PHACTR2: variants seen among roughly 807,000 people sequenced by gnomAD.
PHACTR2 encodes phosphatase and actin regulator 2.
In PHACTR2, 30 loss-of-function variants were observed where a neutral mutation model predicts 76.0. That is an observed-to-expected ratio of 0.39 (90% CI 0.30 to 0.54). PHACTR2 has a LOEUF of 0.54. Ranked by LOEUF, PHACTR2 falls within the 20% of genes least tolerant of loss-of-function variation. PHACTR2 has a pLI of 0.61. For synonymous variants in PHACTR2, 292 were observed against 292.5 expected (o/e 1.00, Z 0.02); for missense variants, 696 against 781.1 (o/e 0.89, Z 1.30).
At position 143,696,220 on chromosome 6, in the gene PHACTR2, C is replaced by T. The variant is rs1215490339; in HGVS notation, c.47-15796C>T. On this transcript the variant is annotated intron_variant, in intron 1 of 12. Transcript: ENST00000440869. The surrounding 1 kb of genome is among the most constrained non-coding windows in gnomAD (Gnocchi z 4.1). ...CTGCTATAGAGTAGTGGGGATTTCCCTCGAGTCTTAGTTGGTTTTAGCAGC... is the reference window on the plus strand; with the variant it reads ...CTGCTATAGAGTAGTGGGGATTTCCTTCGAGTCTTAGTTGGTTTTAGCAGC... 6.6e-6 allele frequency among the ~76,000 whole-genome samples: 1 copy of T among 152,104 alleles called. No individual in the cohort carries two copies. The highest frequency in any genetic ancestry group is 2.1e-4 in the South Asian group (1 of 4,832).
chr6:143,805,207 C>T (rs1275500081), intron 11 of PHACTR2, among the ~76,000 whole-genome samples: 5 of 152,130 alleles, frequency 3.3e-5, no homozygotes, highest in South Asian at 2.1e-4. Flanking sequence ...CGGCCGGGCA[C>T]GGTGGCTCAT....
chr6:143,616,924 TG>T lies in PHACTR2; in HGVS notation c.13+8605del, dbSNP rs1368550118. Among the ~76,000 whole-genome samples, 4 of 152,192 alleles carry T rather than the reference TG, an allele frequency of 2.6e-5. No homozygotes were observed. The East Asian group carries it at 5.8e-4, about 22-fold the overall frequency. On this transcript the variant is annotated intron_variant, in intron 1 of 11. Coordinates refer to the PHACTR2 transcript ENST00000305766. This position sits in a 1 kb window ranked among gnomAD's most constrained non-coding sequence, Gnocchi z 4.9. ...ACACGCCCCCAGACAGGACGTTGACTGGGATGTCTGAGCAACAAGGCCAGTG... is the reference window on the plus strand; with the variant it reads ...ACACGCCCCCAGACAGGACGTTGACTGGATGTCTGAGCAACAAGGCCAGTG...
rs1473213920 is a variant in PHACTR2 at position 143,698,049 on chromosome 6, A to G, written c.47-13967A>G. Among the ~76,000 whole-genome samples, 1 of 152,198 alleles carries G rather than the reference A, an allele frequency of 6.6e-6. No individual in the cohort carries two copies. The highest frequency in any genetic ancestry group is 1.5e-5 in the Non-Finnish European group (1 of 68,026). ...CAACTGGCTATTCTGAGGTTCTGTT[A>G]CGGGCTTTTTCCCATCATTCTAGAA... On this transcript the variant is annotated intron_variant, in intron 1 of 12. Coordinates refer to ENST00000440869, the MANE Select transcript of PHACTR2 (RefSeq NM_001100164.2). This position sits in a 1 kb window ranked among gnomAD's most constrained non-coding sequence, Gnocchi z 4.3.
chr6:143,704,764 C>T (rs989900122), intron 1 of PHACTR2, among the ~76,000 whole-genome samples: 4 of 152,090 alleles, frequency 2.6e-5, no homozygotes, highest in African/African-American at 9.7e-5. Context: ...AGTGGTGTCT[C>T]CTTAGGCTTC....
Position 143,589,018 on chromosome 6 carries a change from G to A in PHACTR2, c.217+51811G>A, listed in dbSNP as rs950828809. On this transcript the variant is annotated intron_variant, in intron 1 of 11. Coordinates refer to the PHACTR2 transcript ENST00000367584. The surrounding 1 kb of genome is among the most constrained non-coding windows in gnomAD (Gnocchi z 4.4). ...CTTCAAGGAACAAATCACTCTCATC[G>A]TATGAGTTTGCTAGAGCTGCCACAA... Among the ~76,000 whole-genome samples the A allele has an allele frequency of 6.6e-6, 1 of 152,166 alleles. No individual in the cohort carries two copies. Among genetic ancestry groups the A allele is most frequent in the Non-Finnish European group, 1.5e-5 (1 of 68,032 alleles).
intron 2 of PHACTR2, among the ~76,000 whole-genome samples, chr6:143,735,551 T>G (rs766725584): frequency 1.9e-4 from 29 of 152,178 alleles, no homozygotes; most frequent in Non-Finnish European, 3.7e-4. Context: ...TTTTTCATCT[T>G]GCAAAATGAA....
chr6:143,690,818 T>G (rs552012250), intron 1 of PHACTR2, among the ~76,000 whole-genome samples: 2 of 152,352 alleles, frequency 1.3e-5, no homozygotes, highest in South Asian at 4.1e-4. Context: ...ATGTGTTTAC[T>G]GTGATAATAA....
rs1366883282 is a variant in PHACTR2, at chr6:143,731,037, C to G, written c.215-17948C>G. Among the ~76,000 whole-genome samples, 1 of 152,142 alleles carries G rather than the reference C, an allele frequency of 6.6e-6. No individual in the cohort carries two copies. Among genetic ancestry groups the G allele is most frequent in the Non-Finnish European group, 1.5e-5 (1 of 68,020 alleles). On this transcript the variant is annotated intron_variant, in intron 2 of 12. Coordinates refer to ENST00000440869, the MANE Select transcript of PHACTR2 (RefSeq NM_001100164.2). This position sits in a 1 kb window ranked among gnomAD's most constrained non-coding sequence, Gnocchi z 4.9. ...TGCTGAGATTACAGGCGTGAGCCAC[C>G]ACGTCCAGCCCAGTTGAAGGTTTTT...
chr6:143,625,322 GT>G lies in PHACTR2; in HGVS notation c.13+17001del, dbSNP rs2128440875. Among the ~76,000 whole-genome samples, 1 of 152,100 alleles carries G rather than the reference GT, an allele frequency of 6.6e-6. No homozygotes were observed. Among genetic ancestry groups the G allele is most frequent in the East Asian group, 1.9e-4 (1 of 5,180 alleles). On this transcript the variant is annotated intron_variant, in intron 1 of 11. Transcript: ENST00000305766. The surrounding 1 kb of genome is among the most constrained non-coding windows in gnomAD (Gnocchi z 4.3). ...GTGAGATATATCAAATTTTTACTTG[GT>G]GATTCAGAATTTAAACTATATCACT... is the stretch of plus-strand genomic sequence containing the variant.
At position 143,679,907 on chromosome 6, in the gene PHACTR2, G is replaced by A. The variant is rs550411101; in HGVS notation, c.46+1698G>A. 2.6e-5 allele frequency among the ~76,000 whole-genome samples: 4 copies of A among 152,060 alleles called. No individual in the cohort carries two copies. The highest frequency in any genetic ancestry group is 4.4e-5 in the Non-Finnish European group (3 of 68,010). On this transcript the variant is annotated intron_variant, in intron 1 of 12. Transcript: ENST00000440869. The surrounding 1 kb of genome is among the most constrained non-coding windows in gnomAD (Gnocchi z 4.6). ...AATTCAGAGAAATATCTCACGGAAC[G>A]GTGTTATACTTAAATTGCAGGTCCT...
intron 1 of PHACTR2, among the ~76,000 whole-genome samples, chr6:143,681,976 T>C (rs1056828236): frequency 2.0e-5 from 3 of 152,252 alleles, no homozygotes; most frequent in African/African-American, 7.2e-5. Flanking sequence ...ACTGTAGCTT[T>C]GTAGTAAATT....
intron 1 of PHACTR2, among the ~76,000 whole-genome samples, chr6:143,640,616 C>A (rs1776547945): frequency 6.6e-6 from 1 of 152,176 alleles, no homozygotes. Context: ...CAAACATTTT[C>A]CCTTTCTGTT....
At chr6:143,577,607 C>G (rs1309341126) in intron 1 of PHACTR2, among the ~76,000 whole-genome samples, 1 of 152,092 alleles carries the variant, frequency 6.6e-6, no homozygotes, top group African/African-American at 2.4e-5. Context: ...GAGATGAGAC[C>G]AAATTGATAT....
At position 143,671,320 on chromosome 6, in the gene PHACTR2, C is replaced by A. The variant is rs574579343; in HGVS notation, c.14-40696C>A. Among the ~76,000 whole-genome samples, 1 of 152,290 alleles carries A rather than the reference C, an allele frequency of 6.6e-6. No individual in the cohort carries two copies. The highest frequency in any genetic ancestry group is 1.5e-5 in the Non-Finnish European group (1 of 68,018). ...TCTCTTATTCTATGTACTCCAACCA[C>A]ACCATTTCCCCTGGATTCCTCAAAC... On this transcript the variant is annotated intron_variant, in intron 1 of 11. Transcript: ENST00000305766. This position sits in a 1 kb window ranked among gnomAD's most constrained non-coding sequence, Gnocchi z 4.6.
At chr6:143,576,117 G>A (rs1403607431) in intron 1 of PHACTR2, among the ~76,000 whole-genome samples, 1 of 152,178 alleles carries the variant, frequency 6.6e-6, no homozygotes, top group Non-Finnish European at 1.5e-5. Flanking sequence ...TATCTTGGCT[G>A]GAAACTTGGA....
At chr6:143,724,615 C>T (rs1353349717) in intron 2 of PHACTR2, among the ~76,000 whole-genome samples, 1 of 152,186 alleles carries the variant, frequency 6.6e-6, no homozygotes, top group Non-Finnish European at 1.5e-5. Flanking sequence ...TCTACACAGT[C>T]CCAGACCATG....
At chr6:143,752,196 A>G (rs1466075253) in intron 3 of PHACTR2, among the ~76,000 whole-genome samples, 1 of 152,132 alleles carries the variant, frequency 6.6e-6, no homozygotes, top group Non-Finnish European at 1.5e-5. Context: ...TGTCATTGAC[A>G]TGACTTCAAT....
intron 1 of PHACTR2, among the ~76,000 whole-genome samples, chr6:143,702,764 T>C (rs950438286): frequency 7.2e-6 from 1 of 139,808 alleles, no homozygotes; most frequent in East Asian, 2.1e-4. Context: ...TGTAAGAATA[T>C]ATATACAACT....
In PHACTR2 at chr6:143,821,469, G is replaced by T. The variant is rs1415116621; in HGVS notation, c.1923-2205G>T. 2.6e-5 allele frequency among the ~76,000 whole-genome samples: 4 copies of T among 152,200 alleles called. No homozygotes were observed. Among genetic ancestry groups the T allele is most frequent in the African/African-American group, 4.8e-5 (2 of 41,452 alleles). Reference sequence around the variant, plus strand: ...TCACGTGCCGGAGATTGTATTCAATGAGTATGTAAAAATGGATAAGAAAGT... The same window carrying T: ...TCACGTGCCGGAGATTGTATTCAATTAGTATGTAAAAATGGATAAGAAAGT... On this transcript the variant is annotated intron_variant, in intron 12 of 12. Coordinates refer to ENST00000440869, the MANE Select transcript of PHACTR2 (RefSeq NM_001100164.2). This position sits in a 1 kb window ranked among gnomAD's most constrained non-coding sequence, Gnocchi z 5.2.
Sources: allele counts gnomAD v4.1 joint callset (sites outside exome capture counted in the v4.1 genomes callset), GRCh38; gene constraint gnomAD v4.1.1; non-coding constraint Gnocchi (gnomAD v3.1); transcripts MANE v1.5; gene names NCBI Gene and HGNC (gene_info 2026-07-23, HGNC 2026-07-21).